The following KCND2 variants were observed in gnomAD, a reference collection of about 807,000 sequenced individuals.
KCND2 encodes potassium voltage-gated channel subfamily D member 2, also known as A-type voltage-gated potassium channel KCND2.
KCND2 carries 16 observed loss-of-function variants against 54.4 expected under a neutral mutation model. The observed-to-expected ratio is 0.29, with a 90% CI of 0.20 to 0.45. The LOEUF is 0.45. KCND2 is among the 20% of genes least tolerant of loss of function. KCND2 has a pLI of 1.00. For synonymous variants in KCND2, 317 were observed against 310.7 expected, an observed-to-expected ratio of 1.02 and a Z score of -0.21; for missense variants, 486 against 824.2, an observed-to-expected ratio of 0.59 and a Z score of 5.02.
intron 1 of KCND2, among the ~76,000 whole-genome samples, chr7:120,674,291 G>A (rs1584878707): frequency 1.3e-5 from 2 of 152,124 alleles, no homozygotes; most frequent in Admixed American, 6.5e-5. Flanking sequence ...CCACAGGCTA[G>A]CCTGATCTAG....
At chr7:120,434,213 C>T (rs768477460) in intron 1 of KCND2, among the ~76,000 whole-genome samples, 72 of 152,236 alleles carry the variant, frequency 4.7e-4, no homozygotes, top group Non-Finnish European at 6.3e-4. Context: ...ATATACTAAG[C>T]GTGGTTATGA....
At chr7:120,591,852 C>T (rs968916374) in intron 1 of KCND2, among the ~76,000 whole-genome samples, 3 of 152,188 alleles carry the variant, frequency 2.0e-5, no homozygotes, top group Admixed American at 6.5e-5. Context: ...TTATTATTAA[C>T]ATTAATTCCT....
intron 1 of KCND2, among the ~76,000 whole-genome samples, chr7:120,708,730 C>G (rs959231604): frequency 6.6e-6 from 1 of 152,032 alleles, no homozygotes; most frequent in African/African-American, 2.4e-5. Flanking sequence ...AAATATTTCA[C>G]CACCCCAAAT....
At chr7:120,718,841 C>T (rs898549880) in intron 1 of KCND2, among the ~76,000 whole-genome samples, 3 of 151,998 alleles carry the variant, frequency 2.0e-5, no homozygotes, top group Non-Finnish European at 4.4e-5. Context: ...GAGTTAGATC[C>T]CATAGAGCAG....
At chr7:120,400,893 G>A (rs1801242409) in intron 1 of KCND2, among the ~76,000 whole-genome samples, 1 of 151,676 alleles carries the variant, frequency 6.6e-6, no homozygotes, top group African/African-American at 2.4e-5. Flanking sequence ...GCAAATCTTT[G>A]GGCAATTAAG....
chr7:120,409,768 T>C (rs1042902271), intron 1 of KCND2, among the ~76,000 whole-genome samples: 2 of 151,938 alleles, frequency 1.3e-5, no homozygotes, highest in African/African-American at 4.8e-5. Flanking sequence ...TATGAGTTCT[T>C]CATGTATTCT....
At chr7:120,708,593 G>A (rs1406486252) in intron 1 of KCND2, among the ~76,000 whole-genome samples, 1 of 152,038 alleles carries the variant, frequency 6.6e-6, no homozygotes, top group Non-Finnish European at 1.5e-5. Context: ...CCACATTAAT[G>A]TTTCTTGTAC....
chr7:120,707,609 A>G (rs1052264766), intron 1 of KCND2, among the ~76,000 whole-genome samples: 2 of 152,126 alleles, frequency 1.3e-5, no homozygotes, highest in African/African-American at 4.8e-5. Flanking sequence ...CGGTGAGCAC[A>G]TTGCTAGACT....
chr7:120,709,126 G>A (rs1392400252), intron 1 of KCND2, among the ~76,000 whole-genome samples: 1 of 151,998 alleles, frequency 6.6e-6, no homozygotes, highest in Non-Finnish European at 1.5e-5. Context: ...GTGAGCTCCT[G>A]TTCAAAAAGC....
chr7:120,532,833 G>A (rs1791858650), intron 1 of KCND2, among the ~76,000 whole-genome samples: 1 of 151,842 alleles, frequency 6.6e-6, no homozygotes, highest in African/African-American at 2.4e-5. Flanking sequence ...TCATGACAGA[G>A]GCAAATGCTC....
intron 1 of KCND2, among the ~76,000 whole-genome samples, chr7:120,436,789 T>A (rs976818924): frequency 3.9e-5 from 6 of 152,150 alleles, no homozygotes; most frequent in Non-Finnish European, 7.4e-5. Context: ...TCTATGAGTA[T>A]TTTTCACTGG....
chr7:120,631,788 T>C (rs934394565), intron 1 of KCND2, among the ~76,000 whole-genome samples: 1 of 152,150 alleles, frequency 6.6e-6, no homozygotes, highest in Non-Finnish European at 1.5e-5. Flanking sequence ...AGTTCATTGT[T>C]TTCAATTTAA....
At chr7:120,717,032 G>A (rs890019235) in intron 1 of KCND2, among the ~76,000 whole-genome samples, 1 of 151,984 alleles carries the variant, frequency 6.6e-6, no homozygotes, top group African/African-American at 2.4e-5. Context: ...ATAACTATAT[G>A]TTGTAGCAAA....
intron 1 of KCND2, among the ~76,000 whole-genome samples, chr7:120,505,435 T>C (rs1379344991): frequency 1.3e-5 from 2 of 151,850 alleles, no homozygotes; most frequent in Non-Finnish European, 2.9e-5. Flanking sequence ...TTCTTTATTT[T>C]AGTGTTATGC....
At chr7:120,285,500 A>C (rs1168655279) in intron 1 of KCND2, among the ~76,000 whole-genome samples, 1 of 152,014 alleles carries the variant, frequency 6.6e-6, no homozygotes, top group Non-Finnish European at 1.5e-5. Flanking sequence ...TCTCATAGAC[A>C]TTCAGAAGAG....
chr7:120,494,212 A>AG (rs1291040044), intron 1 of KCND2, among the ~76,000 whole-genome samples: 2 of 152,180 alleles, frequency 1.3e-5, no homozygotes, highest in African/African-American at 4.8e-5. Context: ...AGCAGCAATC[A>AG]GGTGGCTTCC....
intron 1 of KCND2, among the ~76,000 whole-genome samples, chr7:120,323,449 TC>T (rs895514461): frequency 6.7e-5 from 9 of 135,246 alleles, no homozygotes; most frequent in Non-Finnish European, 1.3e-4. Flanking sequence ...CCCTCCCCAC[TC>T]CCCCCACCCC....
At chr7:120,457,218 T>C (rs1802213020) in intron 1 of KCND2, among the ~76,000 whole-genome samples, 1 of 152,206 alleles carries the variant, frequency 6.6e-6, no homozygotes, top group Non-Finnish European at 1.5e-5. Flanking sequence ...TGTGAATATC[T>C]CTGACATGCC....
chr7:120,513,045 T>C (rs946554008), intron 1 of KCND2, among the ~76,000 whole-genome samples: 4 of 152,024 alleles, frequency 2.6e-5, no homozygotes, highest in African/African-American at 9.7e-5. Context: ...ATTCACCCAC[T>C]GCCTCAGTCT....
Sources: gnomAD v4.1 joint callset for allele counts (sites outside exome capture counted in the v4.1 genomes callset) on GRCh38, gnomAD v4.1.1 for gene constraint, MANE v1.5 for transcripts, NCBI Gene and HGNC (gene_info 2026-07-23, HGNC 2026-07-21) for gene names.